LRFN1: variants seen among roughly 807,000 people sequenced by gnomAD.
LRFN1 encodes leucine-rich repeat and fibronectin type III domain-containing protein 1.
Under a neutral mutation model 31.8 loss-of-function variants are expected in LRFN1, and 20 were observed. The ratio of observed to expected loss-of-function variants is 0.63; its 90% confidence interval spans 0.44 to 0.91. The LOEUF is 0.91. Among genes scored for constraint, LRFN1 ranks in the 40% least tolerant of loss-of-function variants. The pLI, the probability that LRFN1 is intolerant of heterozygous loss-of-function variation, is 0.00. For missense variants in LRFN1, 912 were observed against 1,129.8 expected (o/e 0.81, Z 2.76); for synonymous variants, 514 against 541.3 (o/e 0.95, Z 0.70).
Position 39,315,539 on chromosome 19 carries a change from C to T in LRFN1, c.-37-166G>A, listed in dbSNP as rs2075169458. ...AACAACAGATTACAACACTTCCATG[C>T]TGGGCACAGTGGCTCACGCCTGTAA... On this transcript the variant is annotated intron_variant, in intron 3 of 4. Transcript: ENST00000248668. The surrounding 1 kb of genome is among the most constrained non-coding windows in gnomAD (Gnocchi z 4.7). Among the ~76,000 whole-genome samples the T allele has an allele frequency of 6.6e-6, 1 of 152,210 alleles. No homozygotes were observed. The highest frequency in any genetic ancestry group is 1.5e-5 in the Non-Finnish European group (1 of 68,040).
rs764317553 is a variant in LRFN1, at chr19:39,308,833, A to T, written c.1407-291T>A. On this transcript the variant is annotated intron_variant, in intron 4 of 4. Coordinates refer to ENST00000248668, the MANE Select transcript of LRFN1 (RefSeq NM_020862.2). The surrounding 1 kb of genome is among the most constrained non-coding windows in gnomAD (Gnocchi z 6.2). ...CTCCTCTGCATATCCCGGCCCCTGC[A>T]GGGGAGAAGTGCTATGGCTTTTAAG... Among the ~76,000 whole-genome samples the T allele has an allele frequency of 6.6e-6, 1 of 152,168 alleles. No individual in the cohort carries two copies. Among genetic ancestry groups the T allele is most frequent in the South Asian group, 2.1e-4 (1 of 4,836 alleles).
In LRFN1 at chr19:39,315,082, G is replaced by A. The variant is rs770306233; in HGVS notation, c.255C>T (p.Phe85=). The A allele has an allele frequency of 6.9e-6, 11 of 1,596,032 alleles. No homozygotes were observed. The East Asian group carries it at 1.6e-4, about 23-fold the overall frequency. Residue 85 remains phenylalanine, a synonymous_variant, in exon 4 of 5, where the codon TTC becomes TTT. Transcript: ENST00000248668. The surrounding 1 kb of genome is among the most constrained non-coding windows in gnomAD (Gnocchi z 4.7). ...NFIAAVRRRD[F]ANMTSLVHLT... is the part of the protein sequence containing the mutation. The stretch of plus-strand genomic sequence containing the variant: ...GGTGCACCAGGCTGGTCATGTTGGC[G>A]AAGTCTCGGCGGCGCACGGCGGCGA...
chr19:39,313,984 T>C lies in LRFN1; in HGVS notation c.1353A>G (p.Ile451Met). The change falls in exon 4 of 5, where the codon ATA becomes ATG. Residue 451 changes from isoleucine (I) to methionine (M), a missense_variant. This residue lies in a region of LRFN1 where 511 missense variants were observed against 557.0 expected (regional missense o/e 0.92). Transcript: ENST00000248668. ...RWPAQRPVPG[I>M]RMYQVQYNSS... ...TGTTGTACTGAACCTGGTACATGCGTATTCCGGGCACAGGCCTCTGGGCTG... is the reference window on the plus strand; with the variant it reads ...TGTTGTACTGAACCTGGTACATGCGCATTCCGGGCACAGGCCTCTGGGCTG... The C allele has an allele frequency of 6.2e-7, 1 of 1,609,258 alleles. No homozygotes were observed. Among genetic ancestry groups the C allele is most frequent in the Non-Finnish European group, 8.5e-7 (1 of 1,178,484 alleles).
chr19:39,308,098 G>A lies in LRFN1; in HGVS notation c.1851C>T (p.Pro617=), dbSNP rs1432398032. 1 of 1,495,696 alleles carries A rather than the reference G, an allele frequency of 6.7e-7. No individual in the cohort carries two copies. Among genetic ancestry groups the A allele is most frequent in the South Asian group, 1.4e-5 (1 of 73,852 alleles). 92.7% of individuals were successfully genotyped at this position (1,495,696 alleles called of 1,614,324 possible). Residue 617 remains proline, a synonymous_variant, in exon 5 of 5, where the codon CCC becomes CCT. Transcript: ENST00000248668. The surrounding 1 kb of genome is among the most constrained non-coding windows in gnomAD (Gnocchi z 6.2). ...ALREVESQAA[P]AVAVEAKAME... is the part of the protein sequence containing the mutation. ...TGGCCTTGGCCTCGACGGCGACGGC[G>A]GGGGCAGCCTGGGACTCCACCTCGC...
In LRFN1 at chr19:39,314,999, C is replaced by A. The variant is rs781407497; in HGVS notation, c.338G>T (p.Arg113Leu). ...QVAAGAFADL[R>L]ALRALHLDSN... Reference sequence around the variant, plus strand: ...GTCCAGGTGCAGGGCCCGGAGGGCACGCAGGTCGGCGAAGGCGCCAGCTGC... The same window carrying A: ...GTCCAGGTGCAGGGCCCGGAGGGCAAGCAGGTCGGCGAAGGCGCCAGCTGC... Residue 113 changes from arginine to leucine, a missense_variant, in exon 4 of 5, where the codon CGT becomes CTT. Around this residue, in one of 2 missense-constraint regions of LRFN1, gnomAD observed 401 missense variants for 572.7 expected, o/e 0.70. Coordinates refer to ENST00000248668, the MANE Select transcript of LRFN1 (RefSeq NM_020862.2). The A allele has an allele frequency of 6.3e-7, 1 of 1,591,774 alleles. No homozygotes were observed. Among genetic ancestry groups the A allele is most frequent in the Non-Finnish European group, 8.5e-7 (1 of 1,175,742 alleles).
chr19:39,317,238 AAGACAGAGGAGGAAAG>A (rs1371448743), intron 2 of LRFN1, among the ~76,000 whole-genome samples: 1 of 152,166 alleles, frequency 6.6e-6, no homozygotes, highest in Non-Finnish European at 1.5e-5. Context: ...TAGAGAGAAA[AAGACAGAGGAGGAAAG>A]AGACAGAGAG....
In LRFN1 at chr19:39,307,172, G is replaced by C. The variant is rs991715944; in HGVS notation, c.*461C>G. ...CGACCGGACCAGGAATGTGCGTGGGGTGGGGTGGGAGGCTTTGGAGGCCGC... is the reference window on the plus strand; with the variant it reads ...CGACCGGACCAGGAATGTGCGTGGGCTGGGGTGGGAGGCTTTGGAGGCCGC... On this transcript the variant is annotated 3_prime_UTR_variant, in exon 5 of 5. Transcript: ENST00000248668. The surrounding 1 kb of genome is among the most constrained non-coding windows in gnomAD (Gnocchi z 6.7). 12 of 397,046 alleles carry C rather than the reference G, an allele frequency of 3.0e-5. No individual in the cohort carries two copies. The highest frequency in any genetic ancestry group is 4.9e-5 in the Non-Finnish European group (11 of 225,658). 24.6% of individuals were successfully genotyped at this position (397,046 alleles called of 1,614,324 possible).
rs756205597 is a variant in LRFN1, at chr19:39,315,118, G to A, written c.219C>T (p.Thr73=). Residue 73 remains threonine (T), a synonymous_variant, in exon 4 of 5, where the codon ACC becomes ACT. Transcript: ENST00000248668. This position sits in a 1 kb window ranked among gnomAD's most constrained non-coding sequence, Gnocchi z 4.7. ...GGCGCACGGCGGCGATGAAGTTGTC[G>A]GTGAGCCGCAGCTCCACCACGCGCC... ...IDRRVVELRL[T]DNFIAAVRRR... 7.5e-6 allele frequency: 12 copies of A among 1,593,432 alleles called. No homozygotes were observed. In the African/African-American group the frequency reaches 1.2e-4, roughly 16 times the overall value.
At chr19:39,319,536 G>A (rs1020653062) in intron 1 of LRFN1, among the ~76,000 whole-genome samples, 5 of 151,938 alleles carry the variant, frequency 3.3e-5, no homozygotes, top group African/African-American at 7.3e-5. Flanking sequence ...TTGCAGACAC[G>A]CCAAGATGTT....
chr19:39,313,225 T>C (rs575727123), intron 4 of LRFN1, among the ~76,000 whole-genome samples: 25 of 152,290 alleles, frequency 1.6e-4, no homozygotes, highest in African/African-American at 5.8e-4. Context: ...TGGTATATAA[T>C]TTATAAATAT....
In LRFN1 at chr19:39,308,049, C is replaced by T. The variant is rs1412354288; in HGVS notation, c.1900G>A (p.Glu634Lys). Residue 634 changes from glutamate to lysine, a missense_variant, in exon 5 of 5, where the codon GAG becomes AAG. By Grantham distance (56) the Glu-to-Lys change is moderately conservative (BLOSUM62 1). Coordinates refer to ENST00000248668, the MANE Select transcript of LRFN1 (RefSeq NM_020862.2). This position sits in a 1 kb window ranked among gnomAD's most constrained non-coding sequence, Gnocchi z 6.2. ...GAACGTCCAAGGACCACCTCCGGCT[C>T]CGCGGATGCCGTCTCGGCCTCCATG... ...KAMEAETASA[E>K]PEVVLGRSLG... 1 of 1,524,240 alleles carries T rather than the reference C, an allele frequency of 6.6e-7. No homozygotes were observed. The highest frequency in any genetic ancestry group is 1.2e-5 in the South Asian group (1 of 81,622). The allele number at this position is 1,524,240 out of a possible 1,614,324, so 94.4% of individuals were successfully genotyped here. A position where few individuals can be genotyped will look rare whatever the true frequency, so the allele number is the denominator to read the frequency against.
At chr19:39,316,326 T>C (rs1195349244) in intron 2 of LRFN1, among the ~76,000 whole-genome samples, 190 bp from the exon 3 acceptor site, 1 of 152,212 alleles carries the variant, frequency 6.6e-6, no homozygotes, top group African/African-American at 2.4e-5. Context: ...GTAAGTACTT[T>C]GAAATCAAAC....
rs1393282636 is a variant in LRFN1, at chr19:39,314,299, C to T, written c.1038G>A (p.Arg346=). The T allele has an allele frequency of 1.2e-6, 2 of 1,607,856 alleles. No individual in the cohort carries two copies. The highest frequency in any genetic ancestry group is 2.2e-5 in the East Asian group (1 of 44,544). The change falls in exon 4 of 5, where the codon CGG becomes CGA. Residue 346 remains arginine, a synonymous_variant. Transcript: ENST00000248668. ...GCGTCCCGTCCCCCCGGACCCGGGT[C>T]CGGCTGGAGTTCCCCAGCAGCCGCC... The part of the protein sequence containing the change: ...PDGRLLGNSS[R]TRVRGDGTLD...
At position 39,308,598 on chromosome 19, in the gene LRFN1, G is replaced by A. The variant is rs969795362; in HGVS notation, c.1407-56C>T. ...TAGTCCCCCCGAACCACGCCCCTTCGCTTTATGCCCCGCCCATGGTGAACA... is the reference window on the plus strand; with the variant it reads ...TAGTCCCCCCGAACCACGCCCCTTCACTTTATGCCCCGCCCATGGTGAACA... On this transcript the variant is annotated intron_variant, in intron 4 of 4. Transcript: ENST00000248668. This position sits in a 1 kb window ranked among gnomAD's most constrained non-coding sequence, Gnocchi z 6.2. 6.9e-7 allele frequency: 1 copy of A among 1,448,488 alleles called. No homozygotes were observed. Among genetic ancestry groups the A allele is most frequent in the Non-Finnish European group, 9.2e-7 (1 of 1,087,628 alleles). The allele number at this position is 1,448,488 out of a possible 1,614,324, so 89.7% of individuals were successfully genotyped here.
At chr19:39,313,459 AG>A (rs2075157943) in intron 4 of LRFN1, among the ~76,000 whole-genome samples, 1 of 152,136 alleles carries the variant, frequency 6.6e-6, no homozygotes, top group Non-Finnish European at 1.5e-5. Flanking sequence ...TGAACCCGGG[AG>A]GCGGAGGGTT....
In LRFN1 at chr19:39,308,159, G is replaced by C. The variant is rs767519157; in HGVS notation, c.1790C>G (p.Pro597Arg). 10 of 1,558,450 alleles carry C rather than the reference G, an allele frequency of 6.4e-6. No homozygotes were observed. The Admixed American group carries it at 1.1e-4, about 17-fold the overall frequency. Reference protein sequence around the residue: ...NGAGTGAAQAPALPAQDHYEA... With the variant: ...NGAGTGAAQARALPAQDHYEA... ...GTAGTGGTCCTGGGCCGGCAGGGCCGGGGCCTGTGCCGCGCCTGTGCCTGC... is the reference window on the plus strand; with the variant it reads ...GTAGTGGTCCTGGGCCGGCAGGGCCCGGGCCTGTGCCGCGCCTGTGCCTGC... The change falls in exon 5 of 5, where the codon CCG (proline) becomes CGG (arginine). Residue 597 changes from proline (P) to arginine (R), a missense_variant. Pro to Arg is a moderately radical substitution (Grantham distance 103). Around this residue, in one of 2 missense-constraint regions of LRFN1, gnomAD observed 511 missense variants for 557.0 expected, o/e 0.92. Transcript: ENST00000248668. This position sits in a 1 kb window ranked among gnomAD's most constrained non-coding sequence, Gnocchi z 6.2.
At position 39,314,411 on chromosome 19, in the gene LRFN1, G is replaced by A; in HGVS notation, c.926C>T (p.Ala309Val). ...CACCGCCTGGCCTTCCACCACCAGG[G>A]CCCGGCCCCCCGCCTGCCGTGTGAT... Reference protein sequence around the residue: ...PLITRQAGGRALVVEGQAVSL... With the variant: ...PLITRQAGGRVLVVEGQAVSL... Residue 309 changes from alanine (A) to valine (V), a missense_variant, in exon 4 of 5, where the codon GCC (alanine) becomes GTC (valine). Physicochemically the swap from Ala to Val is moderately conservative, Grantham distance 64. Around this residue, in one of 2 missense-constraint regions of LRFN1, gnomAD observed 401 missense variants for 572.7 expected, o/e 0.70. Transcript: ENST00000248668. 6.2e-7 allele frequency: 1 copy of A among 1,603,262 alleles called. No homozygotes were observed. Among genetic ancestry groups the A allele is most frequent in the South Asian group, 1.1e-5 (1 of 89,454 alleles).
rs763489363 is a variant in LRFN1, at chr19:39,314,031, T to C, written c.1306A>G (p.Asn436Asp). Residue 436 changes from asparagine to aspartate, a missense_variant, in exon 4 of 5, where the codon AAC becomes GAC. By Grantham distance (23) the Asn-to-Asp change is conservative (BLOSUM62 1). This residue lies in a region of LRFN1 where 511 missense variants were observed against 557.0 expected (regional missense o/e 0.92). Transcript: ENST00000248668. ...GCTGGCCAGCGGATGAGCACGGAGT[T>C]CGAGGTGAGCTCGGCTGCCACGAGC... ...RRLVAAELTS[N>D]SVLIRWPAQR... The C allele has an allele frequency of 6.2e-7, 1 of 1,611,646 alleles. No homozygotes were observed. Among genetic ancestry groups the C allele is most frequent in the East Asian group, 2.2e-5 (1 of 44,858 alleles).
chr19:39,309,698 A>C (rs2075144442), intron 4 of LRFN1, among the ~76,000 whole-genome samples: 1 of 152,076 alleles, frequency 6.6e-6, no homozygotes, highest in Non-Finnish European at 1.5e-5. Context: ...CCTTGTCCAG[A>C]TATTAAAGGC....
Sources: gnomAD v4.1 joint callset for allele counts (sites outside exome capture counted in the v4.1 genomes callset) on GRCh38, gnomAD v4.1.1 for gene constraint, gnomAD v4.1.1 regional missense constraint, Gnocchi (gnomAD v3.1) non-coding constraint, MANE v1.5 for transcripts, NCBI Gene and HGNC (gene_info 2026-07-23, HGNC 2026-07-21) for gene names.